KCNT2: variants seen among roughly 807,000 people sequenced by gnomAD.
KCNT2 encodes potassium channel subfamily T member 2.
A neutral mutation model predicts 153.8 loss-of-function variants in KCNT2; 67 were observed. The ratio of observed to expected loss-of-function variants is 0.44; its 90% CI spans 0.36 to 0.53. The LOEUF (loss-of-function observed/expected upper bound fraction) is 0.53. KCNT2 is among the 20% of genes least tolerant of loss of function. The pLI is 0.00. For synonymous variants in KCNT2, 500 were observed against 458.8 expected, an observed-to-expected ratio of 1.09 and a Z score of -1.15; for missense variants, 975 against 1,354.8, an observed-to-expected ratio of 0.72 and a Z score of 4.40.
Position 196,331,221 on chromosome 1 carries a change from T to C in KCNT2, c.2038A>G (p.Ser680Gly). ...AGGAGATGACAAAAAGTGGGTGAACTTCCTATATATGGAGAATAAGGTGGG... is the reference window on the plus strand; with the variant it reads ...AGGAGATGACAAAAAGTGGGTGAACCTCCTATATATGGAGAATAAGGTGGG... The part of the protein sequence containing the change: ...GYPPYSPYIG[S>G]SPTFCHLLHE... Residue 680 changes from serine to glycine, a missense_variant, in exon 18 of 28, where the codon AGT (serine) becomes GGT (glycine). Around this residue, in one of 6 missense-constraint regions of KCNT2, gnomAD observed 325 missense variants for 388.1 expected, o/e 0.84. Transcript: ENST00000294725. 6.2e-7 allele frequency: 1 copy of C among 1,607,786 alleles called. No homozygotes were observed. Among genetic ancestry groups the C allele is most frequent in the Non-Finnish European group, 8.5e-7 (1 of 1,174,576 alleles).
At chr1:196,469,500 G>A (rs1677904963) in intron 5 of KCNT2, among the ~76,000 whole-genome samples, 1 of 152,140 alleles carries the variant, frequency 6.6e-6, no homozygotes, top group South Asian at 2.1e-4. Context: ...TATTAAAATT[G>A]TTTTCACTTT....
intron 22 of KCNT2, among the ~76,000 whole-genome samples, chr1:196,300,888 T>G (rs1044854074): frequency 6.6e-6 from 1 of 152,104 alleles, no homozygotes; most frequent in Non-Finnish European, 1.5e-5. Flanking sequence ...TGCCTTGACA[T>G]GCTGAACAGA....
rs1676416070 is a variant in KCNT2, at chr1:196,453,731, C to T, written c.638+11562G>A. On this transcript the variant is annotated intron_variant, in intron 8 of 27. Transcript: ENST00000294725. The stretch of plus-strand genomic sequence containing the variant: ...CTCCTTAGAGCCTTCTTTCACCAAA[C>T]TATCTGAAATTTACCTCCCTATCTT... 2.6e-5 allele frequency among the ~76,000 whole-genome samples: 4 copies of T among 151,958 alleles called. No homozygotes were observed. In the South Asian group the frequency reaches 8.3e-4, roughly 31 times the overall value.
At chr1:196,305,965 A>G (rs1255417870) in intron 21 of KCNT2, among the ~76,000 whole-genome samples, 1 of 152,088 alleles carries the variant, frequency 6.6e-6, no homozygotes. Flanking sequence ...CTTTCTTCCC[A>G]TTTGACACTC....
chr1:196,453,032 A>T (rs1421621433), intron 8 of KCNT2, among the ~76,000 whole-genome samples: 2 of 151,942 alleles, frequency 1.3e-5, no homozygotes, highest in Non-Finnish European at 2.9e-5. Context: ...ACAGTAAATG[A>T]GAAGCTGTTT....
intron 14 of KCNT2, among the ~76,000 whole-genome samples, chr1:196,350,955 C>T (rs552208405): frequency 8.7e-4 from 133 of 152,092 alleles, no homozygotes; most frequent in Non-Finnish European, 1.4e-3. Context: ...ATTTATTAAA[C>T]AGGGAATCCT....
intron 8 of KCNT2, among the ~76,000 whole-genome samples, chr1:196,434,005 A>G (rs1572434315): frequency 6.6e-6 from 1 of 152,002 alleles, no homozygotes; most frequent in Non-Finnish European, 1.5e-5. Flanking sequence ...AAAATGGCCC[A>G]GCAAAATCGC....
chr1:196,396,148 G>A (rs1196429246), intron 13 of KCNT2, among the ~76,000 whole-genome samples: 3 of 151,584 alleles, frequency 2.0e-5, no homozygotes, highest in Non-Finnish European at 3.0e-5. Context: ...TGGTATGGAT[G>A]AGCCTCACTT....
At chr1:196,444,744 C>T (rs1675542911) in intron 8 of KCNT2, among the ~76,000 whole-genome samples, 1 of 151,242 alleles carries the variant, frequency 6.6e-6, no homozygotes, top group Non-Finnish European at 1.5e-5. Context: ...TCTAACAGCA[C>T]AAATGAAGAA....
intron 1 of KCNT2, among the ~76,000 whole-genome samples, chr1:196,567,931 C>T (rs1660305144): frequency 6.6e-6 from 1 of 152,152 alleles, no homozygotes; most frequent in Non-Finnish European, 1.5e-5. Flanking sequence ...TGCTTGGGGT[C>T]TTTTTCACAA....
chr1:196,385,537 A>T (rs949564959), intron 13 of KCNT2, among the ~76,000 whole-genome samples: 4 of 152,096 alleles, frequency 2.6e-5, no homozygotes, highest in African/African-American at 9.7e-5. Flanking sequence ...ATAACTCATT[A>T]AAAAATCGCC....
At chr1:196,494,973 CT>C (rs1011251055) in intron 1 of KCNT2, among the ~76,000 whole-genome samples, 69 of 146,904 alleles carry the variant, frequency 4.7e-4, no homozygotes, top group South Asian at 8.6e-4. Context: ...GAGCCACTGG[CT>C]TTTTTTTTTT....
At chr1:196,554,440 C>T (rs1185073959) in intron 1 of KCNT2, among the ~76,000 whole-genome samples, 1 of 150,958 alleles carries the variant, frequency 6.6e-6, no homozygotes, top group Non-Finnish European at 1.5e-5. Flanking sequence ...ATAGGGAGTA[C>T]CAAGATTGAA....
chr1:196,563,374 C>T (rs1659668763), intron 1 of KCNT2, among the ~76,000 whole-genome samples: 1 of 150,524 alleles, frequency 6.6e-6, no homozygotes, highest in Admixed American at 6.7e-5. Context: ...TGGGTTGCCA[C>T]CTGGAAATGC....
rs1403951102 is a variant in KCNT2 at position 196,505,615 on chromosome 1, G to T, written c.96-13274C>A. On this transcript the variant is annotated intron_variant, in intron 1 of 27. Transcript: ENST00000294725. ...TTTTAAGGTAGTTTCTTCCAATTCT[G>T]TGAAGAAAGTCATTGGTAGCTTGAT... Among the ~76,000 whole-genome samples the T allele has an allele frequency of 2.6e-5, 4 of 152,272 alleles. No homozygotes were observed. In the South Asian group the frequency reaches 8.3e-4, roughly 32 times the overall value.
intron 22 of KCNT2, among the ~76,000 whole-genome samples, chr1:196,286,611 T>G (rs1421985175): frequency 6.8e-6 from 1 of 146,850 alleles, no homozygotes; most frequent in East Asian, 1.9e-4. Flanking sequence ...ACTAATCTTC[T>G]GTATATCACA....
At position 196,257,999 on chromosome 1, in the gene KCNT2, A is replaced by C. The variant is rs958692530; in HGVS notation, c.3211+195T>G. ...AGCACAGTACCTAGCAGACTCAGCA[A>C]ACGCTGAAAATTTTTAGCATTTTAT... On this transcript the variant is annotated intron_variant, in intron 26 of 27. Transcript: ENST00000294725. 32 of 1,398,932 alleles carry C rather than the reference A, an allele frequency of 2.3e-5. No homozygotes were observed. The East Asian group carries it at 7.5e-4, about 33-fold the overall frequency. 86.7% of individuals were successfully genotyped at this position (1,398,932 alleles called of 1,614,324 possible).
chr1:196,600,856 GAA>G (rs1409816846), intron 1 of KCNT2, among the ~76,000 whole-genome samples: 2 of 152,166 alleles, frequency 1.3e-5, no homozygotes, highest in Admixed American at 6.5e-5. Context: ...TACATAGGCA[GAA>G]ATCTCAAGAT....
At position 196,432,116 on chromosome 1, in the gene KCNT2, G is replaced by A. The variant is rs566999886; in HGVS notation, c.639-2359C>T. Among the ~76,000 whole-genome samples the A allele has an allele frequency of 3.3e-5, 5 of 152,222 alleles. No homozygotes were observed. The South Asian group carries it at 6.2e-4, about 19-fold the overall frequency. ...TTTGGCTACCCCAAGTGCTGGTCAA[G>A]CAGGTGCAGGAGTGACTCAGGATGC... On this transcript the variant is annotated intron_variant, in intron 8 of 27. Coordinates refer to ENST00000294725, the MANE Select transcript of KCNT2 (RefSeq NM_198503.5).
Sources: gnomAD v4.1 joint callset for allele counts (sites outside exome capture counted in the v4.1 genomes callset) on GRCh38, gnomAD v4.1.1 for gene constraint, gnomAD v4.1.1 regional missense constraint, MANE v1.5 for transcripts, NCBI Gene and HGNC (gene_info 2026-07-23, HGNC 2026-07-21) for gene names.